The following NCKAP5 variants were observed in gnomAD, a reference collection of about 807,000 sequenced individuals.
NCKAP5 encodes nck-associated protein 5.
NCKAP5 carries 92 observed loss-of-function variants against 167.0 expected under a neutral mutation model. The ratio of observed to expected loss-of-function variants is 0.55; its 90% CI spans 0.47 to 0.66. The LOEUF (loss-of-function observed/expected upper bound fraction) is 0.66, where lower values mean the gene tolerates loss of function less well. Ranked by LOEUF, NCKAP5 falls within the 30% of genes least tolerant of loss-of-function variation. The pLI is 0.00. For missense variants in NCKAP5, 2,378 were observed against 2,315.0 expected (o/e 1.03, Z -0.56); for synonymous variants, 891 against 877.4 (o/e 1.02, Z -0.27).
upstream of NCKAP5, among the ~76,000 whole-genome samples, chr2:133,570,604 T>C (rs891188561): frequency 2.0e-5 from 3 of 152,232 alleles, no homozygotes; most frequent in African/African-American, 7.2e-5. Flanking sequence ...CCTTCAGAAA[T>C]GATTAAAGTT....
chr2:133,645,180 C>A, the NCKAP5 span, among the ~76,000 whole-genome samples: 2 of 151,794 alleles, frequency 1.3e-5, no homozygotes, highest in Non-Finnish European at 2.9e-5. Context: ...ACAGTAAAAG[C>A]AAAAGAAAAT....
the NCKAP5 span, among the ~76,000 whole-genome samples, chr2:133,573,614 C>T: frequency 2.6e-5 from 4 of 152,318 alleles, no homozygotes; most frequent in East Asian, 1.9e-4. Flanking sequence ...CACTGGAAGG[C>T]TCTTCATGAA....
At chr2:133,656,547 T>C in the NCKAP5 span, among the ~76,000 whole-genome samples, 1 of 152,124 alleles carries the variant, frequency 6.6e-6, no homozygotes, top group Non-Finnish European at 1.5e-5. Flanking sequence ...GGGGGAAGAA[T>C]AAAGATAAAT....
chr2:132,869,528 C>G (rs916946830), intron 9 of NCKAP5, among the ~76,000 whole-genome samples: 3 of 152,302 alleles, frequency 2.0e-5, no homozygotes, highest in East Asian at 3.9e-4. Flanking sequence ...GTAATATAAT[C>G]TGGTAGTTGT....
intron 2 of NCKAP5, chr2:133,527,318 A>G (rs890945056): frequency 1.3e-5 from 2 of 152,254 alleles, no homozygotes; most frequent in Non-Finnish European, 2.9e-5. Flanking sequence ...GTCTTTGTGC[A>G]CAAGTGAAAC....
Position 132,860,600 on chromosome 2 carries a change from C to T in NCKAP5, c.699G>A (p.Glu233=). ...CTCTTGTTTTCAACTTCACACATTCCTCTCTTAGATCCTACAACAAACACA... is the reference window on the plus strand; with the variant it reads ...CTCTTGTTTTCAACTTCACACATTCTTCTCTTAGATCCTACAACAAACACA... ...QALLTQKDLR[E]ECVKLKTRVF... is the part of the protein sequence containing the mutation. Residue 233 remains glutamate, a synonymous_variant, in exon 11 of 20, where the codon GAG becomes GAA. Coordinates refer to ENST00000409261, the MANE Select transcript of NCKAP5 (RefSeq NM_207363.3). The T allele has an allele frequency of 1.9e-6, 3 of 1,573,408 alleles. No individual in the cohort carries two copies. In the South Asian group the frequency reaches 3.5e-5, roughly 18 times the overall value.
chr2:133,636,712 G>A, the NCKAP5 span, among the ~76,000 whole-genome samples: 5 of 152,122 alleles, frequency 3.3e-5, no homozygotes, highest in African/African-American at 9.7e-5. Flanking sequence ...GAAAACCAGG[G>A]AGGAAAGCAA....
In NCKAP5 at chr2:132,827,199, G is replaced by GATGTGAT. The variant is rs539125920; in HGVS notation, c.808-30477_808-30471dup. Among the ~76,000 whole-genome samples, 212 of 152,250 alleles carry GATGTGAT rather than the reference G, an allele frequency of 1.4e-3. 1 individual carries two copies. The highest frequency in any genetic ancestry group is 4.8e-3 in the African/African-American group (201 of 41,534). Reference sequence around the variant, plus strand: ...ATGACAGGCCTGACCTCACTCCTTAGATGTGATATATATTTTTTTAATTTA... The same window carrying GATGTGAT: ...ATGACAGGCCTGACCTCACTCCTTAGATGTGATATGTGATATATATTTTTTTAATTTA... On this transcript the variant is annotated intron_variant, in intron 11 of 19. Coordinates refer to ENST00000409261, the MANE Select transcript of NCKAP5 (RefSeq NM_207363.3).
At chr2:132,911,488 A>AAT (rs1198851450) in intron 8 of NCKAP5, among the ~76,000 whole-genome samples, 4 of 152,310 alleles carry the variant, frequency 2.6e-5, no homozygotes, top group Non-Finnish European at 5.9e-5. Flanking sequence ...TGTATCAGGT[A>AAT]ATAGTCTTTC....
intron 8 of NCKAP5, among the ~76,000 whole-genome samples, chr2:132,933,820 A>AT (rs1418762215): frequency 1.3e-5 from 2 of 152,210 alleles, no homozygotes; most frequent in African/African-American, 4.8e-5. Context: ...TCATAAATGT[A>AT]TTTTCAGAAA....
At chr2:133,549,762 A>T (rs1345742265) in intron 2 of NCKAP5, among the ~76,000 whole-genome samples, 3 of 150,522 alleles carry the variant, frequency 2.0e-5, no homozygotes, top group African/African-American at 7.3e-5. Flanking sequence ...GAACTGAAGG[A>T]AATAGAGACA....
At chr2:132,909,622 C>G (rs751088388) in intron 8 of NCKAP5, among the ~76,000 whole-genome samples, 2 of 152,168 alleles carry the variant, frequency 1.3e-5, no homozygotes, top group Non-Finnish European at 2.9e-5. Flanking sequence ...TCCAGAGGAG[C>G]TAACTGCTTG....
the NCKAP5 span, among the ~76,000 whole-genome samples, chr2:133,600,715 G>A: frequency 2.6e-5 from 4 of 152,320 alleles, no homozygotes; most frequent in East Asian, 1.9e-4. Context: ...AATCCTTCCC[G>A]ACAGGCCCCT....
chr2:133,415,966 T>C (rs1046121164), intron 3 of NCKAP5, among the ~76,000 whole-genome samples: 3 of 152,196 alleles, frequency 2.0e-5, no homozygotes, highest in Non-Finnish European at 4.4e-5. Context: ...AACAACTTGT[T>C]TGGATTTTGG....
intron 6 of NCKAP5, among the ~76,000 whole-genome samples, chr2:133,082,133 G>T (rs1182836499): frequency 2.6e-5 from 4 of 151,966 alleles, no homozygotes. Context: ...GAGAGCATGT[G>T]GTGTTTGGCT....
At chr2:133,562,144 T>G (rs1164484191) in intron 1 of NCKAP5, among the ~76,000 whole-genome samples, 3 of 149,964 alleles carry the variant, frequency 2.0e-5, no homozygotes, top group African/African-American at 7.4e-5. Flanking sequence ...TAAAAACAGC[T>G]GAAGAAAAAA....
rs186285665 is a variant in NCKAP5 at position 133,375,794 on chromosome 2, A to G, written c.70-72684T>C. Among the ~76,000 whole-genome samples, 25 of 152,354 alleles carry G rather than the reference A, an allele frequency of 1.6e-4. No individual in the cohort carries two copies. The East Asian group carries it at 4.2e-3, about 26-fold the overall frequency. On this transcript the variant is annotated intron_variant, in intron 3 of 19. Coordinates refer to ENST00000409261, the MANE Select transcript of NCKAP5 (RefSeq NM_207363.3). ...TATCTCATTGCATTTTAATGGCTGCATAGTATTCCACGGTATATATGTACC... is the reference window on the plus strand; with the variant it reads ...TATCTCATTGCATTTTAATGGCTGCGTAGTATTCCACGGTATATATGTACC...
In NCKAP5 at chr2:132,783,602, G is replaced by A. The variant is rs1415935134; in HGVS notation, c.3209C>T (p.Pro1070Leu). The A allele has an allele frequency of 6.2e-7, 1 of 1,613,874 alleles. No homozygotes were observed. The highest frequency in any genetic ancestry group is 8.5e-7 in the Non-Finnish European group (1 of 1,179,898). ...DIGLQTPRIS[P>L]STHEPLEMTS... ...CATTTCCAGTGGCTCATGGGTTGAA[G>A]GAGAGATCCTGGGAGTCTGTAATCC... Residue 1070 changes from proline (P) to leucine (L), a missense_variant, in exon 14 of 20, where the codon CCT (proline) becomes CTT (leucine). Pro to Leu is a moderately conservative substitution (Grantham distance 98). Coordinates refer to ENST00000409261, the MANE Select transcript of NCKAP5 (RefSeq NM_207363.3).
chr2:132,784,233 G>A lies in NCKAP5; in HGVS notation c.2578C>T (p.Arg860Ter). The A allele has an allele frequency of 3.1e-6, 5 of 1,601,754 alleles. No homozygotes were observed. The highest frequency in any genetic ancestry group is 1.1e-5 in the South Asian group (1 of 88,968). The change falls in exon 14 of 20, where the codon CGA becomes TGA. Residue 860 changes from arginine (R) to a stop codon, truncating the protein, a stop_gained. Coordinates refer to ENST00000409261, the MANE Select transcript of NCKAP5 (RefSeq NM_207363.3). LOFTEE classifies it high-confidence loss of function. ...TESSGPLFEL[R>*]SDPHIPKHSA... ...TGTTTTGGAATGTGTGGATCTGATCGTAATTCAAAGAGGGGCCCTGAGCTC... is the reference window on the plus strand; with the variant it reads ...TGTTTTGGAATGTGTGGATCTGATCATAATTCAAAGAGGGGCCCTGAGCTC...
Sources: allele counts gnomAD v4.1 joint callset (sites outside exome capture counted in the v4.1 genomes callset), GRCh38; gene constraint gnomAD v4.1.1; transcripts MANE v1.5; gene names NCBI Gene and HGNC (gene_info 2026-07-23, HGNC 2026-07-21).